The following DAB1 variants were observed in gnomAD, a reference collection of about 807,000 sequenced individuals.
DAB1 encodes disabled homolog 1.
DAB1 carries 15 observed loss-of-function variants against 64.6 expected under a neutral mutation model. That is an observed-to-expected ratio of 0.23 (90% CI 0.16 to 0.36). The LOEUF (loss-of-function observed/expected upper bound fraction) is 0.36, where lower values mean the gene tolerates loss of function less well. Among genes scored for constraint, DAB1 ranks in the 10% least tolerant of loss-of-function variants. The pLI is 1.00. For synonymous variants in DAB1, 235 were observed against 251.9 expected (o/e 0.93, Z 0.64); for missense variants, 596 against 706.7 (o/e 0.84, Z 1.78).
intron 3 of DAB1, among the ~76,000 whole-genome samples, chr1:58,464,823 C>T (rs1211524680): frequency 2.0e-5 from 3 of 152,256 alleles, no homozygotes; most frequent in East Asian, 1.9e-4. Context: ...GGAGAGGATG[C>T]GACCATTCTA....
chr1:57,672,558 A>G (rs1646521502), intron 6 of DAB1, among the ~76,000 whole-genome samples: 1 of 152,176 alleles, frequency 6.6e-6, no homozygotes, highest in Admixed American at 6.6e-5. Context: ...TTCCGCATCA[A>G]TGAATAGGCA....
chr1:58,274,986 G>C (rs1284317077), intron 4 of DAB1, among the ~76,000 whole-genome samples: 1 of 152,110 alleles, frequency 6.6e-6, no homozygotes, highest in Non-Finnish European at 1.5e-5. Context: ...CACGCTGGGA[G>C]CTGTAGACCG....
intron 4 of DAB1, among the ~76,000 whole-genome samples, chr1:58,206,977 A>G (rs530342760): frequency 1.5e-3 from 236 of 152,328 alleles, no homozygotes; most frequent in Middle Eastern, 3.4e-3. Context: ...CTGCTCTCTC[A>G]GCACCCTGCC....
At chr1:57,177,427 A>G (rs1460657532) in intron 2 of DAB1, among the ~76,000 whole-genome samples, 1 of 152,118 alleles carries the variant, frequency 6.6e-6, no homozygotes, top group African/African-American at 2.4e-5. Context: ...CTGAGAAACT[A>G]GGAGGGTAGA....
chr1:58,162,223 T>C (rs537888681), intron 4 of DAB1, among the ~76,000 whole-genome samples: 1 of 152,184 alleles, frequency 6.6e-6, no homozygotes, highest in Non-Finnish European at 1.5e-5. Context: ...AGGACAGTGC[T>C]ATACGAGACT....
chr1:57,756,660 C>T lies in DAB1; in HGVS notation n.552-106995G>A, dbSNP rs574778061. Among the ~76,000 whole-genome samples the T allele has an allele frequency of 9.3e-5, 14 of 150,874 alleles. No individual in the cohort carries two copies. The East Asian group carries it at 1.2e-3, about 13-fold the overall frequency. On this transcript the variant is annotated intron_variant and non_coding_transcript_variant, in intron 6 of 20. Transcript: ENST00000485760. ...AGAAGTCCAGTTATGAGGCCACTTC[C>T]GTACTGCAGGCAATAAAAAAAAAAA...
intron 1 of DAB1, among the ~76,000 whole-genome samples, chr1:58,533,768 A>G (rs1305239489): frequency 1.3e-5 from 2 of 152,224 alleles, no homozygotes; most frequent in Non-Finnish European, 2.9e-5. Context: ...ATCAAATACT[A>G]AAGACCATAA....
chr1:57,503,398 T>G (rs565760751), intron 7 of DAB1, among the ~76,000 whole-genome samples: 1 of 152,224 alleles, frequency 6.6e-6, no homozygotes, highest in African/African-American at 2.4e-5. Flanking sequence ...CTGCCTTAGT[T>G]TGGGACCCTA....
At chr1:58,083,423 T>C (rs1212633368) in intron 5 of DAB1, among the ~76,000 whole-genome samples, 2 of 152,232 alleles carry the variant, frequency 1.3e-5, no homozygotes, top group African/African-American at 2.4e-5. Context: ...GGTTTCATCA[T>C]CTATGCCGCA....
intron 5 of DAB1, among the ~76,000 whole-genome samples, chr1:58,097,614 G>C (rs1164299638): frequency 6.6e-6 from 1 of 151,900 alleles, no homozygotes; most frequent in Non-Finnish European, 1.5e-5. Context: ...GAGTCTCCCA[G>C]ATAGAAAAAA....
intron 4 of DAB1, among the ~76,000 whole-genome samples, chr1:58,322,086 A>T (rs1227709368): frequency 2.0e-5 from 3 of 152,206 alleles, no homozygotes; most frequent in Non-Finnish European, 4.4e-5. Flanking sequence ...TACAAAATTT[A>T]ATTCAAGATG....
intron 2 of DAB1, among the ~76,000 whole-genome samples, chr1:57,272,657 TG>T (rs1671104636): frequency 6.6e-6 from 1 of 152,210 alleles, no homozygotes; most frequent in South Asian, 2.1e-4. Context: ...GCAGACTGAC[TG>T]ATCAACTTGT....
At chr1:58,211,280 T>TA (rs1259503801) in intron 4 of DAB1, among the ~76,000 whole-genome samples, 2 of 152,166 alleles carry the variant, frequency 1.3e-5, no homozygotes, top group Non-Finnish European at 2.9e-5. Flanking sequence ...TCTAGTTGCT[T>TA]AAAAAATCAC....
chr1:57,054,504 G>A (rs1234344759), intron 9 of DAB1, among the ~76,000 whole-genome samples: 2 of 139,392 alleles, frequency 1.4e-5, no homozygotes, highest in African/African-American at 2.6e-5. Context: ...TTGAGATGGG[G>A]TCTCGCTCTG....
intron 6 of DAB1, among the ~76,000 whole-genome samples, chr1:57,665,230 C>T (rs937805427): frequency 6.6e-6 from 1 of 151,922 alleles, no homozygotes; most frequent in Non-Finnish European, 1.5e-5. Flanking sequence ...AATGAATAAA[C>T]AAGCCTGTGG....
chr1:57,675,389 T>A (rs148734644), intron 6 of DAB1, among the ~76,000 whole-genome samples: 1 of 152,326 alleles, frequency 6.6e-6, no homozygotes, highest in South Asian at 2.1e-4. Flanking sequence ...AGAGTCGTGA[T>A]AAAATAAGTG....
chr1:58,105,071 C>A (rs1036552187), intron 5 of DAB1, among the ~76,000 whole-genome samples: 34 of 152,262 alleles, frequency 2.2e-4, no homozygotes, highest in African/African-American at 8.2e-4. Context: ...TTGATAAAGT[C>A]TTGTGATTTG....
chr1:57,009,489 T>C (rs763738007), intron 14 of DAB1, among the ~76,000 whole-genome samples: 1 of 152,232 alleles, frequency 6.6e-6, no homozygotes, highest in Non-Finnish European at 1.5e-5. Flanking sequence ...AAATACCATA[T>C]TAGCTTTCAG....
Position 57,641,456 on chromosome 1 carries a change from T to A in DAB1, n.625+8136A>T, listed in dbSNP as rs938337012. Among the ~76,000 whole-genome samples the A allele has an allele frequency of 3.6e-5, 5 of 137,812 alleles. No individual in the cohort carries two copies. The East Asian group carries it at 1.2e-3, about 33-fold the overall frequency. The allele number at this position is 137,812 out of a possible 152,430, so 90.4% of individuals were successfully genotyped here. A position where few individuals can be genotyped will look rare whatever the true frequency, so the allele number is the denominator to read the frequency against. ...TAGAGTGCAGTGGTATAATCTCCGCTCACTGCAAGCTCCGCTGCTGGGGTT... is the reference window on the plus strand; with the variant it reads ...TAGAGTGCAGTGGTATAATCTCCGCACACTGCAAGCTCCGCTGCTGGGGTT... On this transcript the variant is annotated intron_variant and non_coding_transcript_variant, in intron 7 of 20. Coordinates refer to the DAB1 transcript ENST00000485760.
Sources: gnomAD v4.1 joint callset for allele counts (sites outside exome capture counted in the v4.1 genomes callset) on GRCh38, gnomAD v4.1.1 for gene constraint, MANE v1.5 for transcripts, NCBI Gene and HGNC (gene_info 2026-07-23, HGNC 2026-07-21) for gene names.